NEB: variants seen among roughly 807,000 people sequenced by gnomAD.
The protein encoded by NEB is nemaline myopathy type 2.
A neutral mutation model predicts 952.2 loss-of-function variants in NEB; 512 were observed. The observed-to-expected ratio is 0.54, with a 90% CI of 0.50 to 0.58. NEB has a LOEUF of 0.58. NEB is among the 20% of genes least tolerant of loss of function. NEB has a pLI of 0.00. For synonymous variants in NEB, 2,900 were observed against 3,149.8 expected (o/e 0.92, Z 2.66); for missense variants, 8,428 against 9,231.1 (o/e 0.91, Z 3.56).
chr2:151,712,359 T>C (rs2099747646), intron 10 of NEB, among the ~76,000 whole-genome samples: 1 of 152,192 alleles, frequency 6.6e-6, no homozygotes, highest in Non-Finnish European at 1.5e-5. Flanking sequence ...GTAGATTTGT[T>C]AAGGATAATT....
rs778633575 is a variant in NEB, at chr2:151,609,949, T to A, written c.12190A>T (p.Met4064Leu). 17 of 1,613,824 alleles carry A rather than the reference T, an allele frequency of 1.1e-5. No homozygotes were observed. The highest frequency in any genetic ancestry group is 1.3e-5 in the African/African-American group (1 of 74,934). ...TTCTTGGCCAGCAAGATGCTTAACATGTCCACTGGGCTAGAGAACTTGGTT... is the reference window on the plus strand; with the variant it reads ...TTCTTGGCCAGCAAGATGCTTAACAAGTCCACTGGGCTAGAGAACTTGGTT... ...WKTKFSSPVD[M>L]LSILLAKKCQ... Residue 4064 changes from methionine (M) to leucine (L), a missense_variant, in exon 81 of 182, where the codon ATG becomes TTG. By Grantham distance (15) the Met-to-Leu change is conservative (BLOSUM62 2). Around this residue, in one of 11 missense-constraint regions of NEB, gnomAD observed 337 missense variants for 297.5 expected, o/e 1.13. Coordinates refer to ENST00000397345, the MANE Select transcript of NEB (RefSeq NM_001164508.2).
intron 162 of NEB, 199 bp downstream of exon 162, chr2:151,507,806 G>C: frequency 1.8e-6 from 1 of 547,362 alleles, no homozygotes; most frequent in East Asian, 2.8e-5. Flanking sequence ...CGAAGTAACA[G>C]ATGAGTCTTT....
intron 110 of NEB, 121 bp downstream of exon 110, chr2:151,569,147 G>A: frequency 1.2e-6 from 1 of 804,582 alleles, no homozygotes; most frequent in Non-Finnish European, 2.1e-6. Flanking sequence ...TATATGCTCA[G>A]TTTAAATCAC....
intron 46 of NEB, among the ~76,000 whole-genome samples, chr2:151,659,974 A>T (rs567949095): frequency 8.5e-5 from 13 of 152,252 alleles, no homozygotes; most frequent in African/African-American, 3.1e-4. Context: ...CAATGTCATG[A>T]TCCTTGTGGT....
intron 106 of NEB, 77 bp downstream of exon 106, chr2:151,576,074 A>G: frequency 1.8e-6 from 2 of 1,139,454 alleles, no homozygotes; most frequent in Non-Finnish European, 2.4e-6. Context: ...TTATTATTCT[A>G]AAATAAATGA....
At chr2:151,491,378 A>C in intron 179 of NEB, 1 of 260,700 alleles carries the variant, frequency 3.8e-6, no homozygotes, top group East Asian at 8.9e-5. Flanking sequence ...CCCTTTGCCT[A>C]TGTATTTTAT....
chr2:151,713,598 T>G (rs975205925), intron 10 of NEB, among the ~76,000 whole-genome samples: 1 of 152,182 alleles, frequency 6.6e-6, no homozygotes, highest in Non-Finnish European at 1.5e-5. Context: ...AATCTCATAT[T>G]TTTTCTTTTG....
rs2099204522 is a variant in NEB at position 151,665,556 on chromosome 2, A to G, written c.5032-17T>C. ...GTACAGATTCTTTACAATGAGAAAA[A>G]AAATTTCATTTCAGAAAGAGTCAGG... On this transcript the variant is annotated splice_polypyrimidine_tract_variant and intron_variant, in intron 41 of 181. Coordinates refer to ENST00000397345, the MANE Select transcript of NEB (RefSeq NM_001164508.2). 3 of 1,542,432 alleles carry G rather than the reference A, an allele frequency of 1.9e-6. No homozygotes were observed. In the African/African-American group the frequency reaches 4.1e-5, roughly 21 times the overall value.
rs2085567184 is a variant in NEB at position 151,525,999 on chromosome 2, C to T, written c.22120G>A (p.Asp7374Asn). Residue 7374 changes from aspartate to asparagine, a missense_variant, in exon 150 of 182, where the codon GAC becomes AAC. By Grantham distance (23) the Asp-to-Asn change is conservative. Transcript: ENST00000397345. Reference protein sequence around the residue: ...GSYTTLPETRDTVHVKEVTKH... With the variant: ...GSYTTLPETRNTVHVKEVTKH... ...GTCACTTCCTTGACGTGAACAGTGT[C>T]CCGGGTCTCTGGTAGTGTTGTGTAT... 6.2e-7 allele frequency: 1 copy of T among 1,613,890 alleles called. No individual in the cohort carries two copies. Among genetic ancestry groups the T allele is most frequent in the South Asian group, 1.1e-5 (1 of 91,086 alleles).
At chr2:151,666,019 T>C (rs1370487147) in intron 41 of NEB, 71 bp downstream of exon 41, 1 of 1,438,018 alleles carries the variant, frequency 7.0e-7, no homozygotes, top group Non-Finnish European at 9.5e-7. Context: ...AGGTGTGGGA[T>C]GGAGTAAGTG....
At chr2:151,614,196 A>G in intron 77 of NEB, 80 bp downstream of exon 77, 4 of 1,514,780 alleles carry the variant, frequency 2.6e-6, no homozygotes, top group Non-Finnish European at 3.6e-6. Flanking sequence ...AGGTTTCACC[A>G]GACTGTGGAA....
chr2:151,672,695 T>C lies in NEB; in HGVS notation c.3988-15A>G, dbSNP rs1159293402. ...TTGTATTTATACTGTGGAGGCAGAA[T>C]TGGGTTAGCAAAGTCCTAGGCATTG... On this transcript the variant is annotated splice_polypyrimidine_tract_variant and intron_variant, in intron 36 of 181. Coordinates refer to ENST00000397345, the MANE Select transcript of NEB (RefSeq NM_001164508.2). 1.9e-6 allele frequency: 3 copies of C among 1,600,396 alleles called. No homozygotes were observed. Among genetic ancestry groups the C allele is most frequent in the African/African-American group, 2.7e-5 (2 of 74,318 alleles).
Position 151,485,578 on chromosome 2 carries a change from A to G in NEB, c.*182T>C, listed in dbSNP as rs993428307. On this transcript the variant is annotated 3_prime_UTR_variant, in exon 182 of 182. Transcript: ENST00000397345. ...CAGAAATAATATTGCAGAAGCTTTT[A>G]AAGTGTCTGTTCTGCAACTTATTTT... 3 of 472,356 alleles carry G rather than the reference A, an allele frequency of 6.4e-6. No individual in the cohort carries two copies. Among genetic ancestry groups the G allele is most frequent in the African/African-American group, 5.8e-5 (3 of 51,528 alleles). The allele number at this position is 472,356 out of a possible 1,614,324, so 29.3% of individuals were successfully genotyped here.
chr2:151,577,543 G>A (rs936785252), intron 105 of NEB, among the ~76,000 whole-genome samples: 4 of 152,078 alleles, frequency 2.6e-5, no homozygotes, highest in African/African-American at 7.2e-5. Context: ...TCTAGGTCTC[G>A]GTTATCAATG....
chr2:151,611,964 G>A (rs778164207), intron 78 of NEB, among the ~76,000 whole-genome samples: 1 of 152,130 alleles, frequency 6.6e-6, no homozygotes, highest in South Asian at 2.1e-4. Flanking sequence ...TCACTCCAGG[G>A]AAATCATTCC....
At chr2:151,513,524 G>T in intron 160 of NEB, 56 bp downstream of exon 160, 1 of 1,269,722 alleles carries the variant, frequency 7.9e-7, no homozygotes, top group Non-Finnish European at 1.1e-6. Flanking sequence ...GACACTTTAT[G>T]TCCTTAAAGT....
rs1478927452 is a variant in NEB, at chr2:151,667,847, A to G, written c.4676T>C (p.Ile1559Thr). Residue 1559 changes from isoleucine to threonine, a missense_variant, in exon 40 of 182, where the codon ATC (isoleucine) becomes ACC (threonine). This residue lies in a region of NEB where 2,851 missense variants were observed against 2,791.5 expected (regional missense o/e 1.02). Transcript: ENST00000397345. ...TGAACTTTTTGCAGCAACAATTGGG[A>G]TGGCATCTGGTCTCAAATCATAGCC... ...AKGYDLRPDA[I>T]PIVAAKSSRN... 6.2e-7 allele frequency: 1 copy of G among 1,612,806 alleles called. No homozygotes were observed. Among genetic ancestry groups the G allele is most frequent in the East Asian group, 2.2e-5 (1 of 44,868 alleles).
At position 151,490,409 on chromosome 2, in the gene NEB, C is replaced by G. The variant is rs1390774664; in HGVS notation, c.25260G>C (p.Ser8420=). The G allele has an allele frequency of 1.3e-6, 2 of 1,596,508 alleles. No individual in the cohort carries two copies. The highest frequency in any genetic ancestry group is 1.7e-6 in the Non-Finnish European group (2 of 1,170,998). Residue 8420 remains serine (S), a synonymous_variant, in exon 180 of 182, where the codon TCG becomes TCC. Transcript: ENST00000397345. ...EHSEAPDHHL[S]TYSDGGVFAV... ...CAAAGACACCCCCGTCGCTGTAAGT[C>G]GAAAGGTGGTGGTCTGGTGCTTCTG...
At chr2:151,494,057 A>G (rs2058522808) in intron 174 of NEB, 104 bp downstream of exon 174, 1 of 1,020,598 alleles carries the variant, frequency 9.8e-7, no homozygotes, top group Non-Finnish European at 1.5e-6. Flanking sequence ...TGCAAATGTA[A>G]CTGGCATTTT....
Sources: gnomAD v4.1 joint callset for allele counts (sites outside exome capture counted in the v4.1 genomes callset) on GRCh38, gnomAD v4.1.1 for gene constraint, gnomAD v4.1.1 regional missense constraint, MANE v1.5 for transcripts, NCBI Gene and HGNC (gene_info 2026-07-23, HGNC 2026-07-21) for gene names.